The following NKAIN3 variants were observed in gnomAD, a reference collection of about 807,000 sequenced individuals.
NKAIN3 encodes sodium/potassium-transporting ATPase subunit beta-1-interacting protein 3.
A neutral mutation model predicts 30.2 loss-of-function variants in NKAIN3; 25 were observed. The observed-to-expected ratio is 0.83, with a 90% CI of 0.60 to 1.16. The LOEUF (loss-of-function observed/expected upper bound fraction) is 1.16. Among genes scored for constraint, NKAIN3 ranks in the 50% most tolerant of loss-of-function variants. The pLI is 0.00. For synonymous variants in NKAIN3, 91 were observed against 89.6 expected (o/e 1.02, Z -0.09); for missense variants, 225 against 254.1 (o/e 0.89, Z 0.78).
At chr8:62,566,796 C>T (rs1369250801) in intron 1 of NKAIN3, among the ~76,000 whole-genome samples, 1 of 152,040 alleles carries the variant, frequency 6.6e-6, no homozygotes, top group Non-Finnish European at 1.5e-5. Flanking sequence ...AAATAAAAAT[C>T]ACTGCATAAG....
At position 62,829,742 on chromosome 8, in the gene NKAIN3, T is replaced by TGATAGATAGATAGATAGATA. The variant is rs57301851; in HGVS notation, c.471+82621_471+82640dup. On this transcript the variant is annotated intron_variant, in intron 4 of 6. Transcript: ENST00000623646. ...GTTGTTTGTTAACTAGATAGATAGA[T>TGATAGATAGATAGATAGATA]GATAGATAGATAGATAGATAGATAG... Among the ~76,000 whole-genome samples the TGATAGATAGATAGATAGATA allele has an allele frequency of 8.3e-4, 125 of 150,386 alleles. 1 individual carries two copies. Among genetic ancestry groups the TGATAGATAGATAGATAGATA allele is most frequent in the African/African-American group, 2.4e-3 (100 of 40,934 alleles).
intron 4 of NKAIN3, among the ~76,000 whole-genome samples, chr8:62,759,507 A>T (rs1816572293): frequency 6.6e-6 from 1 of 152,160 alleles, no homozygotes; most frequent in Non-Finnish European, 1.5e-5. Context: ...AGCCTGAGCT[A>T]GAATAGCATG....
At chr8:62,936,962 C>G (rs1351867598) in intron 5 of NKAIN3, among the ~76,000 whole-genome samples, 1 of 151,778 alleles carries the variant, frequency 6.6e-6, no homozygotes, top group Non-Finnish European at 1.5e-5. Flanking sequence ...TAGGACTTTG[C>G]CTAAACTATG....
At chr8:62,582,509 G>T (rs910873865) in intron 2 of NKAIN3, among the ~76,000 whole-genome samples, 1 of 152,138 alleles carries the variant, frequency 6.6e-6, no homozygotes, top group African/African-American at 2.4e-5. Flanking sequence ...ACCCTGCAGG[G>T]AGCTGAGAGC....
chr8:62,248,954 CGGCCGCGG>C lies in NKAIN3; in HGVS notation c.-114_-107del. 2 of 889,750 alleles carry C rather than the reference CGGCCGCGG, an allele frequency of 2.2e-6. No individual in the cohort carries two copies. Among genetic ancestry groups the C allele is most frequent in the South Asian group, 3.6e-5 (2 of 55,342 alleles). The allele number at this position is 889,750 out of a possible 1,614,324, so 55.1% of individuals were successfully genotyped here. A position where few individuals can be genotyped will look rare whatever the true frequency, so the allele number is the denominator to read the frequency against. ...CCCCGAGCCCTGGAGCCGCGAGCGG[CGGCCGCGG>C]GGCCGAGGAGCCTGGGCCGGGCCGG... On this transcript the variant is annotated 5_prime_UTR_variant, in exon 1 of 7. Coordinates refer to ENST00000623646, the MANE Select transcript of NKAIN3 (RefSeq NM_001304533.3).
In NKAIN3 at chr8:62,264,589, G is replaced by A. The variant is rs538028117; in HGVS notation, c.54+15462G>A. 2.0e-5 allele frequency among the ~76,000 whole-genome samples: 3 copies of A among 152,156 alleles called. No homozygotes were observed. The South Asian group carries it at 6.2e-4, about 32-fold the overall frequency. ...CTGGTGATTCTACCCTATGTTATTGGTCTGGGCCTATGGATATAATAAGAT... is the reference window on the plus strand; with the variant it reads ...CTGGTGATTCTACCCTATGTTATTGATCTGGGCCTATGGATATAATAAGAT... On this transcript the variant is annotated intron_variant, in intron 1 of 6. Coordinates refer to ENST00000623646, the MANE Select transcript of NKAIN3 (RefSeq NM_001304533.3).
intron 4 of NKAIN3, among the ~76,000 whole-genome samples, chr8:62,903,100 C>A (rs1821661396): frequency 6.6e-6 from 1 of 152,174 alleles, no homozygotes; most frequent in Non-Finnish European, 1.5e-5. Flanking sequence ...TTCCCATACA[C>A]ATAAGGGCAG....
chr8:62,289,650 G>A (rs781125757), intron 1 of NKAIN3, among the ~76,000 whole-genome samples: 47 of 152,134 alleles, frequency 3.1e-4, no homozygotes, highest in Non-Finnish European at 6.0e-4. Flanking sequence ...CTGTAGGCTT[G>A]TAGTATAGTT....
At chr8:62,551,107 A>T (rs149059100) in intron 1 of NKAIN3, among the ~76,000 whole-genome samples, 70 of 152,332 alleles carry the variant, frequency 4.6e-4, no homozygotes, top group African/African-American at 1.6e-3. Flanking sequence ...CAAGTCACAG[A>T]GTGAATAATA....
At chr8:62,964,762 A>G (rs1823658057) in intron 6 of NKAIN3, among the ~76,000 whole-genome samples, 2 of 152,050 alleles carry the variant, frequency 1.3e-5, no homozygotes, top group Admixed American at 1.3e-4. Context: ...AATCTGCTTT[A>G]CTCAAAGTCT....
intron 1 of NKAIN3, among the ~76,000 whole-genome samples, chr8:62,296,969 T>C (rs1410853701): frequency 2.6e-5 from 4 of 152,190 alleles, no homozygotes; most frequent in Non-Finnish European, 5.9e-5. Context: ...TTTCTCATTG[T>C]TCTTTCCTGA....
chr8:62,922,621 G>C (rs1368712798), intron 5 of NKAIN3, among the ~76,000 whole-genome samples: 2 of 152,154 alleles, frequency 1.3e-5, no homozygotes, highest in Non-Finnish European at 2.9e-5. Context: ...AGTGCTGTGA[G>C]TCAAACATGG....
At chr8:62,870,101 G>A (rs1820552306) in intron 4 of NKAIN3, among the ~76,000 whole-genome samples, 1 of 150,914 alleles carries the variant, frequency 6.6e-6, no homozygotes, top group East Asian at 2.0e-4. Flanking sequence ...TTTTGGATGT[G>A]GACTGAGCCA....
intron 5 of NKAIN3, among the ~76,000 whole-genome samples, chr8:62,921,671 A>G (rs867621108): frequency 6.6e-6 from 1 of 152,154 alleles, no homozygotes; most frequent in African/African-American, 2.4e-5. Flanking sequence ...AAGCTTAGTT[A>G]TATCTCTTCC....
chr8:62,390,095 T>C (rs2129594516), intron 1 of NKAIN3, among the ~76,000 whole-genome samples: 1 of 152,240 alleles, frequency 6.6e-6, no homozygotes, highest in African/African-American at 2.4e-5. Flanking sequence ...ACTTGAGATA[T>C]AGGTAAACTT....
At chr8:62,502,493 T>C (rs894551740) in intron 1 of NKAIN3, among the ~76,000 whole-genome samples, 8 of 152,106 alleles carry the variant, frequency 5.3e-5, no homozygotes, top group Non-Finnish European at 8.8e-5. Context: ...CCTACTTAAT[T>C]TCTATGACAC....
At chr8:62,962,786 G>C (rs181917140) in intron 6 of NKAIN3, among the ~76,000 whole-genome samples, 2 of 152,330 alleles carry the variant, frequency 1.3e-5, no homozygotes, top group East Asian at 3.9e-4. Context: ...AAGGCTGTGG[G>C]GGGTGCTAGT....
intron 4 of NKAIN3, among the ~76,000 whole-genome samples, chr8:62,791,211 C>T (rs562816027): frequency 6.6e-6 from 1 of 152,080 alleles, no homozygotes; most frequent in African/African-American, 2.4e-5. Flanking sequence ...GCCATTTTGG[C>T]AATCTTCCAC....
At chr8:62,560,541 T>C (rs1407991007) in intron 1 of NKAIN3, among the ~76,000 whole-genome samples, 3 of 131,526 alleles carry the variant, frequency 2.3e-5, no homozygotes, top group African/African-American at 8.5e-5. Flanking sequence ...CTTTTTTTTT[T>C]TTTTTTTTTT....
Sources: gnomAD v4.1 joint callset for allele counts (sites outside exome capture counted in the v4.1 genomes callset) on GRCh38, gnomAD v4.1.1 for gene constraint, MANE v1.5 for transcripts, NCBI Gene and HGNC (gene_info 2026-07-23, HGNC 2026-07-21) for gene names.